The following ZNF407 variants were observed in gnomAD, a reference collection of about 807,000 sequenced individuals.
ZNF407 encodes the protein zinc finger protein 407.
ZNF407 carries 17 observed loss-of-function variants against 131.2 expected under a neutral mutation model. That is an observed-to-expected ratio of 0.13 (90% confidence interval 0.09 to 0.19). The LOEUF (loss-of-function observed/expected upper bound fraction) is 0.19. ZNF407 is among the 10% of genes least tolerant of loss of function. The probability of loss-of-function intolerance (pLI) is 1.00; values close to 1 mark genes in which losing one functional copy is unlikely to be tolerated. For synonymous variants in ZNF407, 1,156 were observed against 1,062.0 expected (o/e 1.09, Z -1.72); for missense variants, 2,681 against 2,830.6 (o/e 0.95, Z 1.20).
At chr18:74,615,909 G>A (rs554615217) in intron 1 of ZNF407, among the ~76,000 whole-genome samples, 3 of 151,888 alleles carry the variant, frequency 2.0e-5, no homozygotes, top group Admixed American at 2.0e-4. Flanking sequence ...TTTTGTCCGG[G>A]CTGGAGTGCA....
At chr18:74,823,800 T>C (rs892028215) in intron 4 of ZNF407, among the ~76,000 whole-genome samples, 3 of 152,084 alleles carry the variant, frequency 2.0e-5, no homozygotes, top group Non-Finnish European at 4.4e-5. Flanking sequence ...TTAGACAGAT[T>C]GACAAGACAG....
At chr18:74,725,594 A>G (rs1222484968) in intron 3 of ZNF407, among the ~76,000 whole-genome samples, 4 of 152,102 alleles carry the variant, frequency 2.6e-5, no homozygotes, top group Non-Finnish European at 4.4e-5. Flanking sequence ...AAAGTAACCA[A>G]TAGAGTCTAT....
intron 3 of ZNF407, among the ~76,000 whole-genome samples, chr18:74,644,784 C>G (rs1984890242): frequency 6.6e-6 from 1 of 151,686 alleles, no homozygotes; most frequent in Admixed American, 6.6e-5. Flanking sequence ...AATGGTAGAC[C>G]ACTCTTTCTT....
chr18:75,042,002 T>G lies in ZNF407; in HGVS notation c.5429-21148T>G, dbSNP rs1023393456. Among the ~76,000 whole-genome samples the G allele has an allele frequency of 5.3e-5, 8 of 152,160 alleles. No homozygotes were observed. In the South Asian group the frequency reaches 1.7e-3, roughly 32 times the overall value. ...TCTTTTTAGGTATCTGATTGATACA[T>G]ATTTGGCCTTTCTGAATATCCCTTG... is the stretch of plus-strand genomic sequence containing the variant. On this transcript the variant is annotated intron_variant, in intron 8 of 8. Coordinates refer to ENST00000299687, the MANE Select transcript of ZNF407 (RefSeq NM_017757.3).
chr18:74,609,716 C>T (rs750428195), intron 1 of ZNF407, among the ~76,000 whole-genome samples: 2 of 152,176 alleles, frequency 1.3e-5, no homozygotes, highest in Non-Finnish European at 2.9e-5. Flanking sequence ...TAAGACATTA[C>T]AACAGCTAAA....
intron 8 of ZNF407, among the ~76,000 whole-genome samples, chr18:74,979,465 T>C (rs532091740): frequency 6.6e-6 from 1 of 152,312 alleles, no homozygotes; most frequent in South Asian, 2.1e-4. Flanking sequence ...CTAATTTTTG[T>C]ATTTTTAGTA....
At chr18:74,842,936 C>G (rs945296742) in intron 4 of ZNF407, among the ~76,000 whole-genome samples, 1 of 151,984 alleles carries the variant, frequency 6.6e-6, no homozygotes, top group South Asian at 2.1e-4. Flanking sequence ...AGGCTTCTCT[C>G]GAACTCCTGA....
At chr18:74,886,345 A>C (rs1290808100) in intron 6 of ZNF407, among the ~76,000 whole-genome samples, 1 of 152,202 alleles carries the variant, frequency 6.6e-6, no homozygotes, top group East Asian at 1.9e-4. Flanking sequence ...ACAGTGTGGC[A>C]GTTTCTTACA....
At chr18:74,667,275 C>A (rs1202890454) in intron 3 of ZNF407, among the ~76,000 whole-genome samples, 1 of 152,132 alleles carries the variant, frequency 6.6e-6, no homozygotes, top group Non-Finnish European at 1.5e-5. Context: ...TTGCCATTGC[C>A]GATCTTTGAC....
intron 8 of ZNF407, among the ~76,000 whole-genome samples, chr18:75,006,608 A>T (rs1212352022): frequency 6.6e-6 from 1 of 152,332 alleles, no homozygotes; most frequent in East Asian, 1.9e-4. Flanking sequence ...ATTGCACTGT[A>T]GCCACAGAAG....
At chr18:75,008,918 C>A (rs556559681) in intron 8 of ZNF407, among the ~76,000 whole-genome samples, 1 of 152,252 alleles carries the variant, frequency 6.6e-6, no homozygotes, top group African/African-American at 2.4e-5. Flanking sequence ...ATTGACAATG[C>A]CACCTTTATC....
At chr18:74,871,226 G>A (rs1257668165) in intron 4 of ZNF407, among the ~76,000 whole-genome samples, 1 of 152,190 alleles carries the variant, frequency 6.6e-6, no homozygotes, top group African/African-American at 2.4e-5. Context: ...TTCAGATACA[G>A]TTGCAGCTCT....
intron 8 of ZNF407, among the ~76,000 whole-genome samples, chr18:74,967,677 A>G (rs1378916485): frequency 6.6e-6 from 1 of 152,174 alleles, no homozygotes; most frequent in Admixed American, 6.5e-5. Flanking sequence ...ATTTAACTCA[A>G]TCAGCAAGTC....
chr18:74,926,015 A>C (rs1971908689), intron 8 of ZNF407, among the ~76,000 whole-genome samples: 1 of 152,250 alleles, frequency 6.6e-6, no homozygotes, highest in Non-Finnish European at 1.5e-5. Context: ...CACTAACAAA[A>C]GACTTCCTAA....
chr18:74,680,525 A>G (rs1259728999), intron 3 of ZNF407, among the ~76,000 whole-genome samples: 1 of 152,206 alleles, frequency 6.6e-6, no homozygotes, highest in East Asian at 1.9e-4. Context: ...GTGGTTATAG[A>G]AAGTGAAAAG....
Position 74,632,483 on chromosome 18 carries a change from A to AGT in ZNF407, c.1472_1473dup (p.Thr492Ter). The AGT allele has an allele frequency of 6.2e-7, 1 of 1,614,010 alleles. No individual in the cohort carries two copies. The highest frequency in any genetic ancestry group is 8.5e-7 in the Non-Finnish European group (1 of 1,179,906). ...TGGAAGCGTGCAGCAGTGTGCAGAG[A>AGT]GTGTGTGTGACTACCTCAGAAACCC... On this transcript the variant is annotated frameshift_variant, in exon 2 of 9. Transcript: ENST00000299687. LOFTEE classifies it high-confidence loss of function.
At chr18:74,890,121 G>T (rs1971364158) in intron 7 of ZNF407, 83 bp downstream of exon 7, 2 of 1,329,864 alleles carry the variant, frequency 1.5e-6, no homozygotes, top group African/African-American at 1.5e-5. Context: ...TAGAAGTGTA[G>T]TTTTTCTAAT....
chr18:74,915,720 T>C lies in ZNF407; in HGVS notation c.5250-4794T>C, dbSNP rs867270591. On this transcript the variant is annotated intron_variant, in intron 7 of 8. Coordinates refer to ENST00000299687, the MANE Select transcript of ZNF407 (RefSeq NM_017757.3). ...GTGTGTGTGTGTGTGTGTGTGTGTG[T>C]GCTGGTATGGTGAGGTTGTATGCAG... is the stretch of plus-strand genomic sequence containing the variant. Among the ~76,000 whole-genome samples the C allele has an allele frequency of 3.5e-3, 294 of 84,828 alleles. 7 individuals are homozygous for C. The highest frequency in any genetic ancestry group is 0.011 in the African/African-American group (252 of 21,938). The allele number at this position is 84,828 out of a possible 152,430, so 55.7% of individuals were successfully genotyped here.
intron 4 of ZNF407, among the ~76,000 whole-genome samples, chr18:74,848,946 T>G (rs1970739443): frequency 6.6e-6 from 1 of 152,208 alleles, no homozygotes. Flanking sequence ...AATTCTAGCT[T>G]GAAAATTCTG....
Sources: allele counts gnomAD v4.1 joint callset (sites outside exome capture counted in the v4.1 genomes callset), GRCh38; gene constraint gnomAD v4.1.1; transcripts MANE v1.5; gene names NCBI Gene and HGNC (gene_info 2026-07-23, HGNC 2026-07-21).